KANK4: variants seen among roughly 807,000 people sequenced by gnomAD.
KANK4 encodes KN motif and ankyrin repeat domains 4.
KANK4 carries 50 observed loss-of-function variants against 80.8 expected under a neutral mutation model. That is an observed-to-expected ratio of 0.62 (90% CI 0.49 to 0.78). The LOEUF (loss-of-function observed/expected upper bound fraction) is 0.78. KANK4 is among the 30% of genes least tolerant of loss of function. KANK4 has a pLI of 0.00. For missense variants in KANK4, 1,196 were observed against 1,240.1 expected, an observed-to-expected ratio of 0.96 and a Z score of 0.53; for synonymous variants, 465 against 506.9, an observed-to-expected ratio of 0.92 and a Z score of 1.11.
chr1:62,318,560 G>T (rs903400138), intron 1 of KANK4, among the ~76,000 whole-genome samples: 8 of 152,250 alleles, frequency 5.3e-5, no homozygotes, highest in Admixed American at 5.2e-4. Flanking sequence ...GCCCTGGAAA[G>T]TTCAGCCAGG....
intron 4 of KANK4, 60 bp from the exon 5 acceptor site, chr1:62,268,565 C>T (rs1286453306): frequency 7.2e-7 from 1 of 1,391,364 alleles, no homozygotes. Context: ...CATGTCAACA[C>T]CAGTGAGAGC....
At chr1:62,277,087 T>C (rs1042555664) in intron 2 of KANK4, among the ~76,000 whole-genome samples, 1 of 152,190 alleles carries the variant, frequency 6.6e-6, no homozygotes, top group Non-Finnish European at 1.5e-5. Flanking sequence ...GACACCAAGA[T>C]GAATCAGGTT....
At chr1:62,284,188 G>T (rs1457918410) in intron 1 of KANK4, among the ~76,000 whole-genome samples, 1 of 152,160 alleles carries the variant, frequency 6.6e-6, no homozygotes, top group Admixed American at 6.5e-5. Context: ...AGCTAAGGGA[G>T]TTTCCTTCCA....
At chr1:62,264,291 C>A (rs1671966300) in intron 6 of KANK4, among the ~76,000 whole-genome samples, 1 of 152,100 alleles carries the variant, frequency 6.6e-6, no homozygotes. Flanking sequence ...GTGGCTCAGG[C>A]CTGTAATCCC....
chr1:62,264,710 A>G (rs1570987968), intron 6 of KANK4, among the ~76,000 whole-genome samples: 1 of 152,212 alleles, frequency 6.6e-6, no homozygotes, highest in Non-Finnish European at 1.5e-5. Context: ...TTTGTGGCTG[A>G]AACACTTTAA....
In KANK4 at chr1:62,287,371, A is replaced by C. The variant is rs1051847744; in HGVS notation, c.-70-5737T>G. ...AGGCTGTGCTGGGAAATGAAGCCTC[A>C]CAGTAAGACACATCACATGTAGCCC... On this transcript the variant is annotated intron_variant, in intron 1 of 9. Coordinates refer to ENST00000371153, the MANE Select transcript of KANK4 (RefSeq NM_181712.5). 8.5e-5 allele frequency among the ~76,000 whole-genome samples: 13 copies of C among 152,298 alleles called. No homozygotes were observed. The East Asian group carries it at 2.5e-3, about 29-fold the overall frequency.
In KANK4 at chr1:62,311,377, G is replaced by C. The variant is rs182599677; in HGVS notation, c.-71+7729C>G. Among the ~76,000 whole-genome samples the C allele has an allele frequency of 9.9e-5, 15 of 152,096 alleles. No individual in the cohort carries two copies. The East Asian group carries it at 2.7e-3, about 27-fold the overall frequency. On this transcript the variant is annotated intron_variant, in intron 1 of 9. Coordinates refer to ENST00000371153, the MANE Select transcript of KANK4 (RefSeq NM_181712.5). Reference sequence around the variant, plus strand: ...CTGCTATATTCAAAGGTCTTGGCACGGTGTCTGGCACAAGTTCGATAAAAG... The same window carrying C: ...CTGCTATATTCAAAGGTCTTGGCACCGTGTCTGGCACAAGTTCGATAAAAG...
Position 62,247,578 on chromosome 1 carries a change from T to C in KANK4, c.2777A>G (p.Asp926Gly). The C allele has an allele frequency of 6.2e-7, 1 of 1,614,058 alleles. No individual in the cohort carries two copies. The highest frequency in any genetic ancestry group is 8.5e-7 in the Non-Finnish European group (1 of 1,179,968). ...CATGAGGGCCGAGGATCCATCGTGG[T>C]CCTGCAGATTGACATCTGCCTGGCA... ...LSCQADVNLQ[D>G]HDGSSALMVA... is the part of the protein sequence containing the mutation. Residue 926 changes from aspartate (D) to glycine (G), a missense_variant, in exon 9 of 10, where the codon GAC (aspartate) becomes GGC (glycine). By Grantham distance (94) the Asp-to-Gly change is moderately conservative. Transcript: ENST00000371153.
chr1:62,297,520 T>C (rs1644376684), intron 1 of KANK4, among the ~76,000 whole-genome samples: 1 of 152,200 alleles, frequency 6.6e-6, no homozygotes, highest in African/African-American at 2.4e-5. Context: ...CCTATTTCTG[T>C]AGCCATCTAT....
chr1:62,294,991 G>A (rs1040650960), intron 1 of KANK4, among the ~76,000 whole-genome samples: 1 of 152,174 alleles, frequency 6.6e-6, no homozygotes, highest in Non-Finnish European at 1.5e-5. Flanking sequence ...GCTTTAATGT[G>A]GGCAAAGTTA....
At chr1:62,241,584 G>T (rs10889313) in intron 9 of KANK4, among the ~76,000 whole-genome samples, 2 of 152,148 alleles carry the variant, frequency 1.3e-5, no homozygotes, top group South Asian at 2.1e-4. Context: ...GCATTTGGTC[G>T]GCCCTCAACA....
At chr1:62,245,065 G>A (rs953742072) in intron 9 of KANK4, among the ~76,000 whole-genome samples, 2 of 152,196 alleles carry the variant, frequency 1.3e-5, no homozygotes, top group African/African-American at 4.8e-5. Context: ...CTGCCTGCCT[G>A]TCCCACGGGC....
rs1486726521 is a variant in KANK4, at chr1:62,274,555, C to T, written c.549G>A (p.Gly183=). Residue 183 remains glycine, a synonymous_variant, in exon 3 of 10, where the codon GGG becomes GGA. Transcript: ENST00000371153. ...RASEEPGLSL[G]PPAPPALPPL... ...GAGGGAGGGCAGGAGGGGCAGGGGG[C>T]CCCAGGCTCAGGCCTGGCTCCTCAG... 3.7e-6 allele frequency: 6 copies of T among 1,613,836 alleles called. No individual in the cohort carries two copies. Among genetic ancestry groups the T allele is most frequent in the Non-Finnish European group, 5.1e-6 (6 of 1,179,912 alleles).
At chr1:62,281,216 G>A (rs1158262988) in intron 2 of KANK4, among the ~76,000 whole-genome samples, 1 of 152,192 alleles carries the variant, frequency 6.6e-6, no homozygotes, top group Admixed American at 6.5e-5. Context: ...AGAATCTTTT[G>A]AGAAATAATT....
At chr1:62,271,965 AC>A (rs1387277844) in intron 3 of KANK4, 2 of 192,928 alleles carry the variant, frequency 1.0e-5, no homozygotes, top group Non-Finnish European at 2.2e-5. Context: ...GCTCAAGGGC[AC>A]CTCAGTGGTC....
chr1:62,299,101 T>C (rs1384107644), intron 1 of KANK4, among the ~76,000 whole-genome samples: 1 of 151,996 alleles, frequency 6.6e-6, no homozygotes. Context: ...CAGGCCGGAG[T>C]GCTGGATTAC....
intron 9 of KANK4, among the ~76,000 whole-genome samples, chr1:62,238,743 C>T (rs1220141272): frequency 2.0e-5 from 3 of 151,898 alleles, no homozygotes; most frequent in African/African-American, 7.3e-5. Context: ...GATCCTCCAC[C>T]TTCAGCCTCC....
At chr1:62,313,530 T>TG (rs992775449) in intron 1 of KANK4, among the ~76,000 whole-genome samples, 2 of 152,206 alleles carry the variant, frequency 1.3e-5, no homozygotes, top group African/African-American at 4.8e-5. Context: ...GAGGGGCAGG[T>TG]GGGTAATGCC....
At chr1:62,278,558 A>AT (rs148935391) in intron 2 of KANK4, among the ~76,000 whole-genome samples, 39,645 of 149,006 alleles carry the variant, frequency 0.27, 5,757 homozygotes, top group East Asian at 0.57. Flanking sequence ...ATGCCTGGCT[A>AT]TTTTTTTTGT....
Sources: allele counts gnomAD v4.1 joint callset (sites outside exome capture counted in the v4.1 genomes callset), GRCh38; gene constraint gnomAD v4.1.1; transcripts MANE v1.5; gene names NCBI Gene and HGNC (gene_info 2026-07-23, HGNC 2026-07-21).